ZC3H11A: variants seen among roughly 807,000 people sequenced by gnomAD.
ZC3H11A encodes zinc finger CCCH-type containing 11A, also known as zinc finger CCCH domain-containing protein 11A.
ZC3H11A carries 22 observed loss-of-function variants against 90.8 expected under a neutral mutation model. That is an observed-to-expected ratio of 0.24 (90% confidence interval 0.17 to 0.35). The LOEUF (loss-of-function observed/expected upper bound fraction) is 0.35. ZC3H11A is among the 10% of genes least tolerant of loss of function. The pLI is 1.00. For missense variants in ZC3H11A, 701 were observed against 964.9 expected (o/e 0.73, Z 3.62); for synonymous variants, 294 against 339.8 (o/e 0.87, Z 1.48).
chr1:203,825,625 G>A (rs61827266), intron 4 of ZC3H11A, among the ~76,000 whole-genome samples: 19,327 of 151,842 alleles, frequency 0.13, 1,608 homozygotes, highest in East Asian at 0.29. Flanking sequence ...TAGTAGAGAC[G>A]GGGTTTCACC....
At chr1:203,844,348 C>A (rs562967738) in intron 12 of ZC3H11A, among the ~76,000 whole-genome samples, 1 of 151,756 alleles carries the variant, frequency 6.6e-6, no homozygotes, top group African/African-American at 2.4e-5. Flanking sequence ...TTAGTAGAGA[C>A]GGGGTTTCAC....
chr1:203,800,127 G>A (rs1428114799), intron 1 of ZC3H11A: 1 of 1,536,122 alleles, frequency 6.5e-7, no homozygotes, highest in Admixed American at 2.0e-5. Context: ...AGTTGTGGAT[G>A]AGTACTTCAA....
At chr1:203,809,365 C>T (rs1031056154) in intron 2 of ZC3H11A, among the ~76,000 whole-genome samples, 3 of 151,466 alleles carry the variant, frequency 2.0e-5, no homozygotes, top group Non-Finnish European at 2.9e-5. Context: ...TTAGTAGAGG[C>T]GGTGTTTCAC....
At chr1:203,852,095 CTA>C in intron 17 of ZC3H11A, 44 bp from the exon 18 acceptor site, 1 of 1,586,888 alleles carries the variant, frequency 6.3e-7, no homozygotes. Flanking sequence ...ATTCAGCCAA[CTA>C]TTTTTAAAAC....
chr1:203,809,172 G>GTTT (rs33926996), intron 2 of ZC3H11A, among the ~76,000 whole-genome samples: 855 of 83,222 alleles, frequency 0.01, 37 homozygotes, highest in African/African-American at 0.013. Context: ...TCTTCTCACT[G>GTTT]TTTTTTTTTT....
chr1:203,834,231 A>G (rs1024371695), intron 10 of ZC3H11A: 22 of 293,798 alleles, frequency 7.5e-5, no homozygotes, highest in Non-Finnish European at 3.0e-5. Flanking sequence ...GAAAGTATGT[A>G]TATATAAAAT....
intron 12 of ZC3H11A, among the ~76,000 whole-genome samples, chr1:203,841,885 G>GGGC (rs1686388811): frequency 6.7e-6 from 1 of 149,978 alleles, no homozygotes; most frequent in Non-Finnish European, 1.5e-5. Context: ...TTCTCAGACG[G>GGGC]GGCGGCCGGG....
chr1:203,829,895 A>G lies in ZC3H11A; in HGVS notation c.618A>G (p.Gln206=), dbSNP rs775667583. ...SVRKPAVNIK[Q]GECLNFGIKT... ...GGAAACCTGCAGTCAATATAAAGCA[A>G]GGTAAGAAGAGGCTAGATTGGTGCC... Residue 206 remains glutamine, a splice_region_variant and synonymous_variant, in exon 7 of 18, where the codon CAA becomes CAG. Transcript: ENST00000367210. The G allele has an allele frequency of 6.2e-7, 1 of 1,613,012 alleles. No individual in the cohort carries two copies. The highest frequency in any genetic ancestry group is 2.2e-5 in the East Asian group (1 of 44,886).
At chr1:203,819,791 C>T (rs1312434527) in intron 4 of ZC3H11A, among the ~76,000 whole-genome samples, 1 of 150,942 alleles carries the variant, frequency 6.6e-6, no homozygotes, top group African/African-American at 2.4e-5. Flanking sequence ...GCCTCGGCCT[C>T]CCAAAGTGCT....
chr1:203,829,845 A>G lies in ZC3H11A; in HGVS notation c.568A>G (p.Asn190Asp). 6.2e-7 allele frequency: 1 copy of G among 1,614,180 alleles called. No individual in the cohort carries two copies. The highest frequency in any genetic ancestry group is 8.5e-7 in the Non-Finnish European group (1 of 1,180,042). Residue 190 changes from asparagine to aspartate, a missense_variant, in exon 7 of 18, where the codon AAT becomes GAT. Physicochemically the swap from Asn to Asp is conservative, Grantham distance 23. Around this residue, in one of 4 missense-constraint regions of ZC3H11A, gnomAD observed 530 missense variants for 696.2 expected, o/e 0.76. Coordinates refer to ENST00000367210, the MANE Select transcript of ZC3H11A (RefSeq NM_001376342.1). ...CCTGCAACCAACTCCTGAAGTTCACAATGGATTACGAGTGACTTCTGTCCG... is the reference window on the plus strand; with the variant it reads ...CCTGCAACCAACTCCTGAAGTTCACGATGGATTACGAGTGACTTCTGTCCG... ...PTLQPTPEVH[N>D]GLRVTSVRKP...
At chr1:203,846,799 T>C (rs1393514190) in intron 12 of ZC3H11A, among the ~76,000 whole-genome samples, 3 of 152,220 alleles carry the variant, frequency 2.0e-5, no homozygotes, top group African/African-American at 7.2e-5. Flanking sequence ...CCAAAGAGTT[T>C]TCCTTGAGGA....
At chr1:203,819,506 G>A (rs1677684194) in intron 4 of ZC3H11A, among the ~76,000 whole-genome samples, 2 of 147,324 alleles carry the variant, frequency 1.4e-5, no homozygotes, top group Non-Finnish European at 3.0e-5. Context: ...ACATGCGTGA[G>A]CCACCGTGCC....
intron 11 of ZC3H11A, among the ~76,000 whole-genome samples, chr1:203,839,557 C>T (rs1359023359): frequency 6.6e-6 from 1 of 152,016 alleles, no homozygotes; most frequent in East Asian, 1.9e-4. Flanking sequence ...AGTAGACGTT[C>T]CTGTTTGGAG....
At position 203,854,026 on chromosome 1, in the gene ZC3H11A, A is replaced by G. The variant is rs1456463439; in HGVS notation, c.*1627A>G. ...TTTGTTTCATATTTAAAGCACTTGT[A>G]TTAGTCAATGTTTCGTGTTCCGCAT... On this transcript the variant is annotated 3_prime_UTR_variant, in exon 18 of 18. Coordinates refer to ENST00000367210, the MANE Select transcript of ZC3H11A (RefSeq NM_001376342.1). 3.9e-5 allele frequency: 6 copies of G among 152,630 alleles called. No individual in the cohort carries two copies. The highest frequency in any genetic ancestry group is 1.2e-4 in the African/African-American group (5 of 41,448). 9.5% of individuals were successfully genotyped at this position (152,630 alleles called of 1,614,324 possible).
At chr1:203,836,988 T>G (rs1018622908) in intron 10 of ZC3H11A, among the ~76,000 whole-genome samples, 3 of 152,180 alleles carry the variant, frequency 2.0e-5, no homozygotes. Flanking sequence ...TGCATTTACT[T>G]AATTCAGCAG....
intron 17 of ZC3H11A, 82 bp downstream of exon 17, chr1:203,851,206 A>C (rs1039063507): frequency 1.4e-5 from 17 of 1,217,610 alleles, no homozygotes; most frequent in Admixed American, 2.2e-5. Flanking sequence ...CTGATAAATA[A>C]CTTTAGCAAC....
chr1:203,828,569 T>C (rs1189771014), intron 5 of ZC3H11A, 147 bp downstream of exon 5: 8 of 1,072,672 alleles, frequency 7.5e-6, no homozygotes, highest in East Asian at 5.2e-5. Flanking sequence ...CTGAATCTTA[T>C]TAAGGTTAAA....
In ZC3H11A at chr1:203,824,553, T is replaced by A. The variant is rs184116995; in HGVS notation, c.175-3746T>A. On this transcript the variant is annotated intron_variant, in intron 4 of 17. Coordinates refer to ENST00000367210, the MANE Select transcript of ZC3H11A (RefSeq NM_001376342.1). ...GGCATGTTCAGAGCAGCAAAAAATT[T>A]GAGTCATCTGACATGTGTCACATTG... Among the ~76,000 whole-genome samples the A allele has an allele frequency of 1.1e-4, 16 of 152,270 alleles. No individual in the cohort carries two copies. The East Asian group carries it at 3.1e-3, about 29-fold the overall frequency.
chr1:203,852,167 C>T lies in ZC3H11A; in HGVS notation c.2201C>T (p.Ser734Phe). The change falls in exon 18 of 18, where the codon TCT becomes TTT. Residue 734 changes from serine (S) to phenylalanine (F), a missense_variant. Coordinates refer to ENST00000367210, the MANE Select transcript of ZC3H11A (RefSeq NM_001376342.1). ...CTTGTGCTGCCTCCAACCCAGTCCT[C>T]TTCAGATTCCTCACCCCCGGAGGTG... is the stretch of plus-strand genomic sequence containing the variant. ...DSLVLPPTQS[S>F]SDSSPPEVSG... The T allele has an allele frequency of 6.2e-7, 1 of 1,613,726 alleles. No individual in the cohort carries two copies. Among genetic ancestry groups the T allele is most frequent in the Non-Finnish European group, 8.5e-7 (1 of 1,179,836 alleles).
Sources: gnomAD v4.1 joint callset for allele counts (sites outside exome capture counted in the v4.1 genomes callset) on GRCh38, gnomAD v4.1.1 for gene constraint, gnomAD v4.1.1 regional missense constraint, MANE v1.5 for transcripts, NCBI Gene and HGNC (gene_info 2026-07-23, HGNC 2026-07-21) for gene names.